The following RYR3 variants were observed in gnomAD, a reference collection of about 807,000 sequenced individuals.
The protein encoded by RYR3 is ryanodine receptor 3.
In RYR3, 207 loss-of-function variants were observed where a neutral mutation model predicts 584.3. The observed-to-expected ratio is 0.35, with a 90% CI of 0.32 to 0.40. The LOEUF (loss-of-function observed/expected upper bound fraction) is 0.40, where lower values mean the gene tolerates loss of function less well. RYR3 is among the 10% of genes least tolerant of loss of function. The probability of loss-of-function intolerance (pLI) is 1.00; values close to 1 mark genes in which losing one functional copy is unlikely to be tolerated. For synonymous variants in RYR3, 2,416 were observed against 2,248.5 expected (o/e 1.07, Z -2.11); for missense variants, 5,616 against 6,089.2 (o/e 0.92, Z 2.59).
At chr15:33,342,275 T>G (rs902517103) in intron 1 of RYR3, among the ~76,000 whole-genome samples, 1 of 152,180 alleles carries the variant, frequency 6.6e-6, no homozygotes, top group Non-Finnish European at 1.5e-5. Context: ...AACTGAAAAT[T>G]TGTTGCATTG....
intron 6 of RYR3, 112 bp downstream of exon 6, chr15:33,539,574 A>G (rs1231908201): frequency 1.2e-5 from 8 of 657,164 alleles, no homozygotes; most frequent in Middle Eastern, 3.7e-4. Context: ...ATGCTTTTAC[A>G]TATATAGAGT....
In RYR3 at chr15:33,771,966, G is replaced by A. The variant is rs377011124; in HGVS notation, c.8863G>A (p.Ala2955Thr). Reference protein sequence around the residue: ...GSELVKAGLRAFFENAAEDLE... With the variant: ...GSELVKAGLRTFFENAAEDLE... ...AGAGCTGGTGAAGGCTGGGTTACGA[G>A]CATTCTTTGAAAATGCTGCAGAAGA... The change falls in exon 63 of 104, where the codon GCA (alanine) becomes ACA (threonine). Residue 2955 changes from alanine to threonine, a missense_variant. Transcript: ENST00000634891. The A allele has an allele frequency of 6.2e-7, 1 of 1,613,340 alleles. No individual in the cohort carries two copies. Among genetic ancestry groups the A allele is most frequent in the African/African-American group, 1.3e-5 (1 of 74,930 alleles).
intron 1 of RYR3, among the ~76,000 whole-genome samples, chr15:33,338,101 C>T (rs1567051485): frequency 6.6e-6 from 1 of 151,972 alleles, no homozygotes; most frequent in Non-Finnish European, 1.5e-5. Flanking sequence ...CCCGCCACCA[C>T]GCCCGGCTAA....
chr15:33,427,554 G>A (rs1013700524), intron 1 of RYR3, among the ~76,000 whole-genome samples: 7 of 152,088 alleles, frequency 4.6e-5, no homozygotes, highest in South Asian at 4.1e-4. Flanking sequence ...TAGTATTCTC[G>A]TTTTGAAAAA....
intron 93 of RYR3, 148 bp from the exon 94 acceptor site, chr15:33,848,143 C>A: frequency 1.0e-6 from 1 of 952,506 alleles, no homozygotes; most frequent in South Asian, 1.5e-5. Context: ...ATTCATTTGG[C>A]TTTGATCCCA....
At chr15:33,350,221 A>T (rs1255468300) in intron 1 of RYR3, among the ~76,000 whole-genome samples, 2 of 152,178 alleles carry the variant, frequency 1.3e-5, no homozygotes, top group Admixed American at 1.3e-4. Flanking sequence ...TTTCCTAAAT[A>T]TATATGCACC....
chr15:33,703,121 C>T (rs1384561513), intron 42 of RYR3, among the ~76,000 whole-genome samples: 2 of 152,138 alleles, frequency 1.3e-5, no homozygotes, highest in Non-Finnish European at 2.9e-5. Context: ...CATGTCTGAT[C>T]TATTAAGATG....
intron 3 of RYR3, among the ~76,000 whole-genome samples, chr15:33,509,274 C>T (rs74690398): frequency 0.023 from 3,504 of 152,308 alleles, 50 homozygotes; most frequent in Non-Finnish European, 0.036. Context: ...GTTGTGCAAA[C>T]TCCTCTAGAA....
At chr15:33,402,639 A>G (rs1445480851) in intron 1 of RYR3, among the ~76,000 whole-genome samples, 3 of 152,268 alleles carry the variant, frequency 2.0e-5, no homozygotes, top group Non-Finnish European at 4.4e-5. Flanking sequence ...CAGCTTGGCT[A>G]CATTTAAGCA....
At chr15:33,645,907 G>C (rs1370905594) in intron 28 of RYR3, among the ~76,000 whole-genome samples, 2 of 152,156 alleles carry the variant, frequency 1.3e-5, no homozygotes, top group African/African-American at 4.8e-5. Flanking sequence ...GTCCTCCTCA[G>C]GAGCTGGACA....
intron 73 of RYR3, 77 bp downstream of exon 73, chr15:33,813,071 T>A: frequency 6.4e-7 from 1 of 1,572,562 alleles, no homozygotes; most frequent in Non-Finnish European, 8.7e-7. Flanking sequence ...ACACTCAGCA[T>A]TCAGGTACAA....
rs1349176890 is a variant in RYR3 at position 33,841,837 on chromosome 15, T to A, written c.13038-27T>A. On this transcript the variant is annotated intron_variant, in intron 90 of 103. Transcript: ENST00000634891. The stretch of plus-strand genomic sequence containing the variant: ...GGCCAGACCGCCCTCCCGTCTGCCC[T>A]GCTGAGTGGGTTTCCCATTTCTGCA... 1.9e-6 allele frequency: 3 copies of A among 1,576,870 alleles called. No homozygotes were observed. The Admixed American group carries it at 5.6e-5, about 29-fold the overall frequency.
chr15:33,358,365 C>G (rs1481311086), intron 1 of RYR3, among the ~76,000 whole-genome samples: 2 of 152,186 alleles, frequency 1.3e-5, no homozygotes, highest in East Asian at 3.9e-4. Flanking sequence ...TTGCCTTTCT[C>G]CACTGACAAA....
At chr15:33,640,127 G>A (rs556707093) in intron 27 of RYR3, among the ~76,000 whole-genome samples, 7 of 152,260 alleles carry the variant, frequency 4.6e-5, no homozygotes, top group African/African-American at 7.2e-5. Context: ...TTGACCTGTC[G>A]GGTTTAACAG....
intron 27 of RYR3, among the ~76,000 whole-genome samples, chr15:33,639,841 A>C (rs778226076): frequency 1.9e-4 from 29 of 152,208 alleles, no homozygotes; most frequent in Non-Finnish European, 3.8e-4. Context: ...CCTAGACTGG[A>C]CCATCACAGC....
intron 67 of RYR3, among the ~76,000 whole-genome samples, chr15:33,794,043 CATATATATAAATATATACATAAATAA>C (rs1269213021): frequency 0.18 from 6,146 of 35,106 alleles, 571 homozygotes; most frequent in African/African-American, 0.29. Flanking sequence ...TACATAAATA[CATATATATAAATATATACATAAATAA>C]ATATATATAA....
chr15:33,849,203 CAATT>C lies in RYR3; in HGVS notation c.13628+784_13628+787del, dbSNP rs2078930208. 2.0e-5 allele frequency: 3 copies of C among 152,158 alleles called. No individual in the cohort carries two copies. In the South Asian group the frequency reaches 6.2e-4, roughly 32 times the overall value. The allele number at this position is 152,158 out of a possible 1,614,324, so 9.4% of individuals were successfully genotyped here. On this transcript the variant is annotated intron_variant, in intron 94 of 103. Transcript: ENST00000634891. ...CTCGTCTTAACGTAAGATTGAGAGG[CAATT>C]ACATGGGCAGGTAAATAGAGCCGTC...
intron 43 of RYR3, among the ~76,000 whole-genome samples, chr15:33,718,180 A>G (rs2067643635): frequency 6.6e-6 from 1 of 152,030 alleles, no homozygotes; most frequent in South Asian, 2.1e-4. Flanking sequence ...CTTGATTGGG[A>G]ATATGTTTCT....
chr15:33,826,796 G>GA lies in RYR3; in HGVS notation c.11245+44_11245+45insA. The stretch of plus-strand genomic sequence containing the variant: ...TCTGCCAAGGAAACACAGCACTCGG[G>GA]CAAAACTAGAATTCCGTTCAGTATG... On this transcript the variant is annotated intron_variant, in intron 84 of 103. Transcript: ENST00000634891. The GA allele has an allele frequency of 2.8e-6, 4 of 1,453,778 alleles. 1 individual carries two copies. The South Asian group carries it at 5.0e-5, about 18-fold the overall frequency. 90.1% of individuals were successfully genotyped at this position (1,453,778 alleles called of 1,614,324 possible).
Sources: allele counts gnomAD v4.1 joint callset (sites outside exome capture counted in the v4.1 genomes callset), GRCh38; gene constraint gnomAD v4.1.1; transcripts MANE v1.5; gene names NCBI Gene and HGNC (gene_info 2026-07-23, HGNC 2026-07-21).